Variants in CD2AP observed in about 807,000 individuals in gnomAD.
CD2AP encodes the protein CD2 associated protein.
CD2AP carries 46 observed loss-of-function variants against 85.1 expected under a neutral mutation model. That is an observed-to-expected ratio of 0.54 (90% CI 0.43 to 0.69). CD2AP has a LOEUF of 0.69. Among genes scored for constraint, CD2AP ranks in the 30% least tolerant of loss-of-function variants. CD2AP has a pLI of 0.00. For synonymous variants in CD2AP, 255 were observed against 252.9 expected (o/e 1.01, Z -0.08); for missense variants, 769 against 729.5 (o/e 1.05, Z -0.62).
chr6:47,513,101 A>C (rs1397592563), intron 2 of CD2AP, among the ~76,000 whole-genome samples: 3 of 152,104 alleles, frequency 2.0e-5, no homozygotes, highest in Non-Finnish European at 4.4e-5. Context: ...TGACTTCAGC[A>C]AGAAAATGGA....
At chr6:47,522,003 G>T (rs575892824) in intron 2 of CD2AP, among the ~76,000 whole-genome samples, 1 of 147,202 alleles carries the variant, frequency 6.8e-6, no homozygotes, top group African/African-American at 2.5e-5. Flanking sequence ...CAACAAGAGC[G>T]AAACTCTGCC....
At chr6:47,558,024 C>T (rs1767743333) in intron 5 of CD2AP, among the ~76,000 whole-genome samples, 1 of 152,078 alleles carries the variant, frequency 6.6e-6, no homozygotes, top group Admixed American at 6.6e-5. Flanking sequence ...TGTAGTTCTC[C>T]TTGAAGAGGT....
intron 2 of CD2AP, among the ~76,000 whole-genome samples, chr6:47,510,537 G>A (rs1766284604): frequency 6.6e-6 from 1 of 152,034 alleles, no homozygotes; most frequent in African/African-American, 2.4e-5. Flanking sequence ...CAACCTGAAG[G>A]AGCTCCCAAT....
At chr6:47,511,148 G>A (rs1470887695) in intron 2 of CD2AP, among the ~76,000 whole-genome samples, 1 of 145,112 alleles carries the variant, frequency 6.9e-6, no homozygotes, top group Non-Finnish European at 1.5e-5. Context: ...TTTTAATGGA[G>A]AAACTTCGCA....
chr6:47,605,777 C>T (rs139506688), intron 13 of CD2AP, among the ~76,000 whole-genome samples: 5 of 151,978 alleles, frequency 3.3e-5, no homozygotes, highest in South Asian at 2.1e-4. Context: ...GCTGATTTTC[C>T]GAGATCTTTT....
At chr6:47,542,332 CAAT>C (rs1383387810) in intron 3 of CD2AP, among the ~76,000 whole-genome samples, 8 of 152,076 alleles carry the variant, frequency 5.3e-5, no homozygotes, top group African/African-American at 1.9e-4. Flanking sequence ...TATTGGTTGA[CAAT>C]GATGCCATAT....
chr6:47,503,935 A>C (rs1200774585), intron 2 of CD2AP, among the ~76,000 whole-genome samples: 2 of 152,220 alleles, frequency 1.3e-5, no homozygotes, highest in South Asian at 4.1e-4. Context: ...TGGTCTTCTC[A>C]TTATATTTTG....
intron 13 of CD2AP, among the ~76,000 whole-genome samples, chr6:47,604,015 T>G (rs1769208416): frequency 6.6e-6 from 1 of 152,114 alleles, no homozygotes; most frequent in African/African-American, 2.4e-5. Flanking sequence ...CCTGATTCGT[T>G]TAAAATATTC....
chr6:47,505,614 C>T (rs797007470), intron 2 of CD2AP, among the ~76,000 whole-genome samples: 10,403 of 52,820 alleles, frequency 0.2, 552 homozygotes, highest in Non-Finnish European at 0.28. Flanking sequence ...GCTGGCCGGG[C>T]GGGGGGGGCT....
chr6:47,506,844 AG>A (rs1290731118), intron 2 of CD2AP, among the ~76,000 whole-genome samples: 4 of 116,022 alleles, frequency 3.4e-5, no homozygotes, highest in Admixed American at 9.4e-5. Context: ...GGAGAGGGAG[AG>A]GGAGAGAGCG....
chr6:47,575,686 G>T (rs1484166909), intron 6 of CD2AP, among the ~76,000 whole-genome samples: 1 of 152,082 alleles, frequency 6.6e-6, no homozygotes, highest in Non-Finnish European at 1.5e-5. Flanking sequence ...TGTTGTTTCT[G>T]GGTTAAATTA....
chr6:47,615,621 G>A (rs976643110), intron 17 of CD2AP, among the ~76,000 whole-genome samples: 3 of 151,834 alleles, frequency 2.0e-5, no homozygotes, highest in African/African-American at 7.3e-5. Flanking sequence ...ATCCAAACAT[G>A]GATCATCTAA....
chr6:47,505,264 A>G (rs1377632725), intron 2 of CD2AP, among the ~76,000 whole-genome samples: 1 of 147,862 alleles, frequency 6.8e-6, no homozygotes, highest in Non-Finnish European at 1.5e-5. Context: ...CATCTGTTTA[A>G]CAAAGCACAT....
chr6:47,496,967 C>T (rs1051661442), intron 1 of CD2AP, among the ~76,000 whole-genome samples: 3 of 152,140 alleles, frequency 2.0e-5, no homozygotes, highest in African/African-American at 4.8e-5. Flanking sequence ...TCCCTTTACT[C>T]TTTCCTTTAC....
At chr6:47,483,266 GA>G (rs1765488967) in intron 1 of CD2AP, among the ~76,000 whole-genome samples, 1 of 152,126 alleles carries the variant, frequency 6.6e-6, no homozygotes, top group Admixed American at 6.5e-5. Flanking sequence ...AAGAAATCTG[GA>G]TGGAGGTCTA....
In CD2AP at chr6:47,509,384, A is replaced by G. The variant is rs951568352; in HGVS notation, c.165+5944A>G. ...CATAAAGGGAGCCCATGCCGTTGGA[A>G]AAATGGCATTGATGGGCTTGCTTGA... On this transcript the variant is annotated intron_variant, in intron 2 of 17. Coordinates refer to ENST00000359314, the MANE Select transcript of CD2AP (RefSeq NM_012120.3). Among the ~76,000 whole-genome samples the G allele has an allele frequency of 3.3e-5, 5 of 152,152 alleles. No homozygotes were observed. In the East Asian group the frequency reaches 9.6e-4, roughly 29 times the overall value.
At chr6:47,609,073 C>A in intron 15 of CD2AP, 50 bp from the exon 16 acceptor site, 2 of 1,356,270 alleles carry the variant, frequency 1.5e-6, no homozygotes, top group Non-Finnish European at 2.0e-6. Flanking sequence ...ATCTTTCGAA[C>A]GTAAATATAA....
At position 47,576,557 on chromosome 6, in the gene CD2AP, CA is replaced by C. The variant is rs1768319093; in HGVS notation, c.764del (p.Gln255ArgfsTer5). 10 of 1,612,674 alleles carry C rather than the reference CA, an allele frequency of 6.2e-6. No homozygotes were observed. Among genetic ancestry groups the C allele is most frequent in the Non-Finnish European group, 8.5e-6 (10 of 1,179,168 alleles). On this transcript the variant is annotated frameshift_variant, in exon 7 of 18. Coordinates refer to ENST00000359314, the MANE Select transcript of CD2AP (RefSeq NM_012120.3). LOFTEE classifies it high-confidence loss of function. ...CCTACAGTCACTGGGACCCAAAACT[CA>C]GAGTGTGGAGATAACAAAAACAGAT... ...LILQSLGPKT[Q>X]SVEITKTDTE... is the part of the protein sequence containing the mutation.
At chr6:47,581,133 G>A (rs1768466813) in intron 10 of CD2AP, among the ~76,000 whole-genome samples, 1 of 151,994 alleles carries the variant, frequency 6.6e-6, no homozygotes, top group African/African-American at 2.4e-5. Context: ...ATGTAATTTT[G>A]AGTTAATAAA....
Sources: allele counts gnomAD v4.1 joint callset (sites outside exome capture counted in the v4.1 genomes callset), GRCh38; gene constraint gnomAD v4.1.1; transcripts MANE v1.5; gene names NCBI Gene and HGNC (gene_info 2026-07-23, HGNC 2026-07-21).